The following ITPK1 variants were observed in gnomAD, a reference collection of about 807,000 sequenced individuals.
ITPK1 encodes inositol-tetrakisphosphate 1-kinase.
In ITPK1, 21 loss-of-function variants were observed where a neutral mutation model predicts 45.3. The ratio of observed to expected loss-of-function variants is 0.46; its 90% CI spans 0.33 to 0.67. The LOEUF (loss-of-function observed/expected upper bound fraction) is 0.67. Among genes scored for constraint, ITPK1 ranks in the 30% least tolerant of loss-of-function variants. The probability of loss-of-function intolerance (pLI) is 0.02; values close to 1 mark genes in which losing one functional copy is unlikely to be tolerated. For synonymous variants in ITPK1, 258 were observed against 253.6 expected, an observed-to-expected ratio of 1.02 and a Z score of -0.16; for missense variants, 474 against 573.5, an observed-to-expected ratio of 0.83 and a Z score of 1.77.
intron 2 of ITPK1, among the ~76,000 whole-genome samples, chr14:93,105,016 C>T (rs936765314): frequency 2.0e-5 from 3 of 152,178 alleles, no homozygotes; most frequent in African/African-American, 4.8e-5. Flanking sequence ...CTATACACTC[C>T]GGGCAAACCA....
intron 2 of ITPK1, among the ~76,000 whole-genome samples, chr14:93,094,404 C>A (rs1344227371): frequency 1.3e-5 from 2 of 152,192 alleles, no homozygotes; most frequent in East Asian, 3.9e-4. Context: ...ATGTCTCCCC[C>A]AGACCAGCAA....
chr14:92,969,679 C>CAGAAT (rs1260693122), intron 5 of ITPK1, among the ~76,000 whole-genome samples: 4 of 151,986 alleles, frequency 2.6e-5, no homozygotes, highest in African/African-American at 9.7e-5. Flanking sequence ...GCTCTTCTCC[C>CAGAAT]AGAATAGAGA....
Position 93,032,491 on chromosome 14 carries a change from C to T in ITPK1, c.121-15690G>A, listed in dbSNP as rs967172042. Among the ~76,000 whole-genome samples, 1 of 152,214 alleles carries T rather than the reference C, an allele frequency of 6.6e-6. No individual in the cohort carries two copies. Among genetic ancestry groups the T allele is most frequent in the Non-Finnish European group, 1.5e-5 (1 of 68,040 alleles). ...GCAGAAGCTTTCCTGCAGGACTTCT[C>T]AGATACTTTAATATGTTCACTTGCA... is the stretch of plus-strand genomic sequence containing the variant. On this transcript the variant is annotated intron_variant, in intron 3 of 10. Transcript: ENST00000267615. This position sits in a 1 kb window ranked among gnomAD's most constrained non-coding sequence, Gnocchi z 4.0.
In ITPK1 at chr14:93,036,790, C is replaced by CCAGAG. The variant is rs1889341149; in HGVS notation, c.121-19994_121-19990dup. On this transcript the variant is annotated intron_variant, in intron 3 of 10. Transcript: ENST00000267615. The surrounding 1 kb of genome is among the most constrained non-coding windows in gnomAD (Gnocchi z 4.1). Reference sequence around the variant, plus strand: ...CTTGGAAATGCCAAGAAAAATCCCCCCAGAGCAGAGCAGAGAAGGGCTGAG... The same window carrying CCAGAG: ...CTTGGAAATGCCAAGAAAAATCCCCCCAGAGCAGAGCAGAGCAGAGAAGGGCTGAG... 2.0e-5 allele frequency: 3 copies of CCAGAG among 152,498 alleles called. No individual in the cohort carries two copies. Among genetic ancestry groups the CCAGAG allele is most frequent in the East Asian group, 1.9e-4 (1 of 5,198 alleles). The allele number at this position is 152,498 out of a possible 1,614,324, so 9.4% of individuals were successfully genotyped here. A position where few individuals can be genotyped will look rare whatever the true frequency, so the allele number is the denominator to read the frequency against.
intron 8 of ITPK1, 72 bp from the exon 9 acceptor site, chr14:92,952,085 AG>A: frequency 8.2e-7 from 1 of 1,223,372 alleles, no homozygotes; most frequent in Non-Finnish European, 1.2e-6. Flanking sequence ...ACCTGACACC[AG>A]GGGGCAGCAT....
chr14:92,984,655 T>A (rs1223275734), intron 5 of ITPK1, among the ~76,000 whole-genome samples: 1 of 152,182 alleles, frequency 6.6e-6, no homozygotes, highest in Non-Finnish European at 1.5e-5. Context: ...CTGACACTTT[T>A]CTCTTTTCCT....
intron 4 of ITPK1, among the ~76,000 whole-genome samples, chr14:93,002,671 A>C (rs553321067): frequency 6.6e-6 from 1 of 152,278 alleles, no homozygotes; most frequent in African/African-American, 2.4e-5. Context: ...ATCCAAGAAA[A>C]AAAATAGTAG....
At position 92,940,899 on chromosome 14, in the gene ITPK1, G is replaced by T. The variant is rs1015435190; in HGVS notation, c.*662C>A. On this transcript the variant is annotated 3_prime_UTR_variant, in exon 11 of 11. Transcript: ENST00000267615. ...GGCTAAATGGGACGTGTGTTGGGGG[G>T]CCCAGAGGACGCCCAGCTTCCTTTC... 37 of 1,288,242 alleles carry T rather than the reference G, an allele frequency of 2.9e-5. No homozygotes were observed. Among genetic ancestry groups the T allele is most frequent in the Non-Finnish European group, 3.5e-5 (35 of 988,754 alleles). 79.8% of individuals were successfully genotyped at this position (1,288,242 alleles called of 1,614,324 possible). A position where few individuals can be genotyped will look rare whatever the true frequency, so the allele number is the denominator to read the frequency against.
chr14:93,085,338 A>C (rs1891606022), intron 2 of ITPK1, among the ~76,000 whole-genome samples: 1 of 151,900 alleles, frequency 6.6e-6, no homozygotes, highest in Non-Finnish European at 1.5e-5. Context: ...GTCACCAACC[A>C]CCTTACCTGA....
chr14:92,997,183 G>A (rs1595122066), intron 4 of ITPK1, among the ~76,000 whole-genome samples: 3 of 152,286 alleles, frequency 2.0e-5, no homozygotes, highest in East Asian at 3.9e-4. Context: ...CTCAGCAACC[G>A]AGGCCACTTA....
chr14:92,969,390 G>T (rs1478897761), intron 5 of ITPK1, among the ~76,000 whole-genome samples: 1 of 152,038 alleles, frequency 6.6e-6, no homozygotes, highest in Admixed American at 6.5e-5. Context: ...CAAAGACTGG[G>T]GGGGTGGGGA....
At chr14:92,959,682 C>T (rs147468550) in intron 7 of ITPK1, among the ~76,000 whole-genome samples, 1 of 151,446 alleles carries the variant, frequency 6.6e-6, no homozygotes, top group Non-Finnish European at 1.5e-5. Context: ...TTCAGGGATG[C>T]TTTGAGCTTT....
At chr14:93,023,000 A>T (rs1262468451) in intron 3 of ITPK1, among the ~76,000 whole-genome samples, 1 of 152,166 alleles carries the variant, frequency 6.6e-6, no homozygotes, top group Admixed American at 6.5e-5. Context: ...TGAAAATAAA[A>T]GGACTGTGGG....
chr14:92,984,772 T>C (rs1231200194), intron 5 of ITPK1, among the ~76,000 whole-genome samples: 12 of 152,152 alleles, frequency 7.9e-5, no homozygotes. Flanking sequence ...TCCTGTCACT[T>C]CTAGGGCAAC....
intron 3 of ITPK1, among the ~76,000 whole-genome samples, chr14:93,044,012 G>A (rs1266519820): frequency 6.6e-6 from 1 of 152,208 alleles, no homozygotes; most frequent in African/African-American, 2.4e-5. Flanking sequence ...GCTTGTGGAT[G>A]GCTAGGCTCT....
chr14:93,065,748 G>A (rs28668285), intron 3 of ITPK1, among the ~76,000 whole-genome samples: 2,700 of 152,278 alleles, frequency 0.018, 103 homozygotes, highest in African/African-American at 0.059. Context: ...AGACACCCAG[G>A]GCAGGACTGT....
intron 3 of ITPK1, among the ~76,000 whole-genome samples, chr14:93,056,377 A>G (rs2139939512): frequency 6.6e-6 from 1 of 152,266 alleles, no homozygotes; most frequent in South Asian, 2.1e-4. Flanking sequence ...AGGTGCCTGA[A>G]AGCTTGGTGA....
rs143546521 is a variant in ITPK1, at chr14:93,061,548, C to T, written c.120+15047G>A. Among the ~76,000 whole-genome samples the T allele has an allele frequency of 2.6e-5, 4 of 152,322 alleles. No homozygotes were observed. In the East Asian group the frequency reaches 7.7e-4, roughly 29 times the overall value. ...GGGCACATGAGAGAGAAATGAGTTG[C>T]TGTATGCGTGCCTGGTGCACAGGTG... On this transcript the variant is annotated intron_variant, in intron 3 of 10. Coordinates refer to ENST00000267615, the MANE Select transcript of ITPK1 (RefSeq NM_014216.6).
intron 4 of ITPK1, among the ~76,000 whole-genome samples, chr14:93,010,184 C>T (rs558337257): frequency 6.6e-6 from 1 of 152,290 alleles, no homozygotes; most frequent in African/African-American, 2.4e-5. Flanking sequence ...AAGGCAAAGC[C>T]GACACAAGCC....
Sources: allele counts gnomAD v4.1 joint callset (sites outside exome capture counted in the v4.1 genomes callset), GRCh38; gene constraint gnomAD v4.1.1; non-coding constraint Gnocchi (gnomAD v3.1); transcripts MANE v1.5; gene names NCBI Gene and HGNC (gene_info 2026-07-23, HGNC 2026-07-21).